Variants in USP18 observed in about 807,000 individuals in gnomAD.
USP18 encodes ubiquitin specific peptidase 18, also known as ubl carboxyl-terminal hydrolase 18.
Under a neutral mutation model 48.7 loss-of-function variants are expected in USP18, and 11 were observed. The observed-to-expected ratio is 0.23, with a 90% CI of 0.14 to 0.37. The LOEUF (loss-of-function observed/expected upper bound fraction) is 0.37, where lower values mean the gene tolerates loss of function less well. USP18 is among the 10% of genes least tolerant of loss of function. USP18 has a pLI of 1.00. For synonymous variants in USP18, 114 were observed against 163.2 expected, an observed-to-expected ratio of 0.70 and a Z score of 2.30; for missense variants, 285 against 436.4, an observed-to-expected ratio of 0.65 and a Z score of 3.09.
chr22:18,155,600 G>C (rs149548709), intron 1 of USP18, among the ~76,000 whole-genome samples: 4,837 of 152,274 alleles, frequency 0.032, 83 homozygotes, highest in African/African-American at 0.044. Flanking sequence ...GCGTGGGCTC[G>C]GCGGGCCCGC....
rs372041181 is a variant in USP18, at chr22:18,173,785, G to C, written c.1024-8G>C. ...GGCTGCTTGACCCCATTTGTTTCTG[G>C]CTTCCAGGTGTCCTGGGAAGACATC... On this transcript the variant is annotated splice_polypyrimidine_tract_variant and splice_region_variant and intron_variant, in intron 9 of 10. Coordinates refer to ENST00000215794, the MANE Select transcript of USP18 (RefSeq NM_017414.4). 5.3e-5 allele frequency: 85 copies of C among 1,606,424 alleles called. 1 individual carries two copies. Among genetic ancestry groups the C allele is most frequent in the Middle Eastern group, 3.3e-4 (2 of 6,054 alleles).
At chr22:18,172,767 C>T (rs983288991) in intron 8 of USP18, among the ~76,000 whole-genome samples, 4 of 150,814 alleles carry the variant, frequency 2.7e-5, no homozygotes, top group Non-Finnish European at 5.9e-5. Flanking sequence ...CTCTGTCTCC[C>T]CTCCCCCTAC....
intron 1 of USP18, among the ~76,000 whole-genome samples, chr22:18,151,396 T>A (rs1297429480): frequency 6.6e-6 from 1 of 152,224 alleles, no homozygotes; most frequent in Non-Finnish European, 1.5e-5. Context: ...AAGCATTTCA[T>A]CTGAAGTTTC....
At chr22:18,176,063 A>C (rs1929781943) in intron 10 of USP18, among the ~76,000 whole-genome samples, 1 of 121,628 alleles carries the variant, frequency 8.2e-6, no homozygotes, top group Admixed American at 8.2e-5. Context: ...TGGGCAGATC[A>C]TGAGGTCAGG....
intron 1 of USP18, 51 bp from the exon 2 acceptor site, chr22:18,157,507 T>C (rs753266791): frequency 2.1e-6 from 2 of 938,696 alleles, no homozygotes; most frequent in Non-Finnish European, 3.3e-6. Context: ...ATTACATGAA[T>C]ACACATTCCT....
At chr22:18,166,056 A>G (rs968169207) in intron 4 of USP18, among the ~76,000 whole-genome samples, 1 of 149,626 alleles carries the variant, frequency 6.7e-6, no homozygotes, top group African/African-American at 2.5e-5. Context: ...TTTTTTTTGT[A>G]TCAGAGTTAG....
intron 5 of USP18, among the ~76,000 whole-genome samples, 195 bp downstream of exon 5, chr22:18,167,529 C>G (rs1298733955): frequency 6.6e-6 from 1 of 152,024 alleles, no homozygotes; most frequent in Non-Finnish European, 1.5e-5. Flanking sequence ...AACCCTGTCT[C>G]TACTAAAAAT....
At chr22:18,173,056 T>G in intron 8 of USP18, 94 bp from the exon 9 acceptor site, 3 of 1,587,344 alleles carry the variant, frequency 1.9e-6, no homozygotes, top group Non-Finnish European at 2.6e-6. Flanking sequence ...TATTCTAAAG[T>G]CCCAGAGTCG....
intron 10 of USP18, among the ~76,000 whole-genome samples, chr22:18,176,130 AAGTT>A (rs1929785013): frequency 1.0e-5 from 1 of 96,104 alleles, no homozygotes; most frequent in Admixed American, 1.1e-4. Flanking sequence ...AAAATACAAA[AAGTT>A]AGCCGGGCGT....
At chr22:18,158,923 T>G (rs765021933) in intron 2 of USP18, among the ~76,000 whole-genome samples, 1 of 150,918 alleles carries the variant, frequency 6.6e-6, no homozygotes, top group Non-Finnish European at 1.5e-5. Context: ...TTCTCAGTTA[T>G]GCTTTCTCTA....
chr22:18,155,078 GC>G (rs1929092850), intron 1 of USP18, among the ~76,000 whole-genome samples: 1 of 152,266 alleles, frequency 6.6e-6, no homozygotes, highest in Admixed American at 6.5e-5. Context: ...GAAGGCCATA[GC>G]TGCCGAGACT....
intron 10 of USP18, among the ~76,000 whole-genome samples, chr22:18,174,801 T>TG (rs1229952002): frequency 2.0e-5 from 3 of 152,214 alleles, no homozygotes; most frequent in African/African-American, 7.2e-5. Context: ...CTCGCTATGT[T>TG]GCCAGGCTTG....
chr22:18,169,000 A>G (rs1037008947), intron 6 of USP18, among the ~76,000 whole-genome samples: 6 of 151,950 alleles, frequency 3.9e-5, no homozygotes, highest in Non-Finnish European at 8.8e-5. Flanking sequence ...AGATCCTGCC[A>G]AGTGGACCAC....
rs754311633 is a variant in USP18, at chr22:18,167,330, A to G, written c.476A>G (p.His159Arg). ...ATTAAGGACCAGATCACTGATGTGC[A>G]CTTGGTAAGAACCTAGAACCAGAGC... Reference protein sequence around the residue: ...NLIKDQITDVHLVERLQALYT... With the variant: ...NLIKDQITDVRLVERLQALYT... Residue 159 changes from histidine (H) to arginine (R), a missense_variant, in exon 5 of 11, where the codon CAC (histidine) becomes CGC (arginine). Physicochemically the swap from His to Arg is conservative, Grantham distance 29. Transcript: ENST00000215794. The G allele has an allele frequency of 6.2e-7, 1 of 1,613,854 alleles. No individual in the cohort carries two copies. Among genetic ancestry groups the G allele is most frequent in the South Asian group, 1.1e-5 (1 of 91,066 alleles).
At chr22:18,171,930 G>A (rs1602532088) in intron 8 of USP18, among the ~76,000 whole-genome samples, 1 of 151,612 alleles carries the variant, frequency 6.6e-6, no homozygotes, top group East Asian at 1.9e-4. Flanking sequence ...ATTTCTACCT[G>A]CAGATTCTGC....
chr22:18,171,635 A>G (rs551410239), intron 8 of USP18, among the ~76,000 whole-genome samples: 152 of 152,190 alleles, frequency 1.0e-3, no homozygotes, highest in African/African-American at 3.5e-3. Flanking sequence ...CGTCTCTAAA[A>G]ACAAAACAAG....
chr22:18,161,370 C>T (rs1929329801), intron 3 of USP18, among the ~76,000 whole-genome samples: 1 of 97,354 alleles, frequency 1.0e-5, no homozygotes, highest in East Asian at 2.8e-4. Context: ...CCTTTCTTCC[C>T]AGGACCTAAC....
chr22:18,160,767 C>CTTTT (rs951642767), intron 3 of USP18, among the ~76,000 whole-genome samples: 1 of 114,460 alleles, frequency 8.7e-6, no homozygotes, highest in Middle Eastern at 4.6e-3. Flanking sequence ...AGTATTGGTA[C>CTTTT]TTTTTTTTTT....
At chr22:18,165,510 G>T (rs947043360) in intron 4 of USP18, among the ~76,000 whole-genome samples, 1 of 85,822 alleles carries the variant, frequency 1.2e-5, no homozygotes, top group Admixed American at 1.4e-4. Flanking sequence ...ACCCCTCACC[G>T]CGGCCGTGTT....
Sources: gnomAD v4.1 joint callset for allele counts (sites outside exome capture counted in the v4.1 genomes callset) on GRCh38, gnomAD v4.1.1 for gene constraint, MANE v1.5 for transcripts, NCBI Gene and HGNC (gene_info 2026-07-23, HGNC 2026-07-21) for gene names.